DSCAM: variants seen among roughly 807,000 people sequenced by gnomAD.
DSCAM encodes the protein cell adhesion molecule DSCAM.
In DSCAM, 47 loss-of-function variants were observed where a neutral mutation model predicts 217.7. That is an observed-to-expected ratio of 0.22 (90% confidence interval 0.17 to 0.28). The LOEUF (loss-of-function observed/expected upper bound fraction) is 0.28. Ranked by LOEUF, DSCAM falls within the 10% of genes least tolerant of loss-of-function variation. The pLI, the probability that DSCAM is intolerant of heterozygous loss-of-function variation, is 1.00. For synonymous variants in DSCAM, 1,056 were observed against 1,015.3 expected (o/e 1.04, Z -0.76); for missense variants, 2,080 against 2,618.3 (o/e 0.79, Z 4.49).
intron 11 of DSCAM, among the ~76,000 whole-genome samples, chr21:40,268,420 T>TGGAA (rs2073569131): frequency 6.6e-6 from 1 of 151,998 alleles, no homozygotes; most frequent in Non-Finnish European, 1.5e-5. Flanking sequence ...GATGCCAGTG[T>TGGAA]GGAAGGTAAT....
intron 3 of DSCAM, among the ~76,000 whole-genome samples, chr21:40,580,890 G>A (rs181275658): frequency 2.6e-5 from 4 of 152,268 alleles, no homozygotes; most frequent in Admixed American, 2.6e-4. Context: ...AGGTTTAAAT[G>A]CATTTCTTTT....
chr21:40,467,930 C>CAA (rs56379350), intron 3 of DSCAM, among the ~76,000 whole-genome samples: 9,252 of 84,208 alleles, frequency 0.11, 479 homozygotes, highest in Middle Eastern at 0.18. Context: ...AAAGATTAAC[C>CAA]AAAAAAAAAA....
chr21:40,054,874 A>C (rs1385593940), intron 29 of DSCAM, among the ~76,000 whole-genome samples: 1 of 152,222 alleles, frequency 6.6e-6, no homozygotes, highest in African/African-American at 2.4e-5. Context: ...TTGGTTACAA[A>C]AGCAAGACTT....
At chr21:40,158,720 A>G (rs1260518808) in intron 16 of DSCAM, among the ~76,000 whole-genome samples, 2 of 152,324 alleles carry the variant, frequency 1.3e-5, no homozygotes. Flanking sequence ...CCTGTTTCCA[A>G]CTTCAAATTG....
chr21:40,708,630 G>A lies in DSCAM; in HGVS notation c.185C>T (p.Thr62Met), dbSNP rs577827734. ...GGGGACATCGTAGATCTCCTCGCCC[G>A]TGGCTAGGTACCATCTGAGAGTCAC... ...PPVTLRWYLA[T>M]GEEIYDVPGI... The change falls in exon 2 of 33, where the codon ACG becomes ATG. Residue 62 changes from threonine to methionine, a missense_variant. Coordinates refer to ENST00000400454, the MANE Select transcript of DSCAM (RefSeq NM_001389.5). 8 of 1,613,084 alleles carry A rather than the reference G, an allele frequency of 5.0e-6. No individual in the cohort carries two copies. Among genetic ancestry groups the A allele is most frequent in the Admixed American group, 1.7e-5 (1 of 59,858 alleles).
intron 3 of DSCAM, among the ~76,000 whole-genome samples, chr21:40,399,951 T>TTTTAA (rs2075218795): frequency 6.6e-6 from 1 of 152,180 alleles, no homozygotes; most frequent in South Asian, 2.1e-4. Context: ...CCAGGGAACA[T>TTTTAA]ATTTCTAAAT....
At chr21:40,073,002 G>T (rs1796864228) in intron 27 of DSCAM, among the ~76,000 whole-genome samples, 1 of 152,276 alleles carries the variant, frequency 6.6e-6, no homozygotes, top group East Asian at 1.9e-4. Context: ...TCTGGAGATA[G>T]CCCTTGTACA....
chr21:40,803,074 A>G lies in DSCAM; in HGVS notation c.43+43545T>C, dbSNP rs2091756489. ...TATTCTCTTTGGAAGTACTAAATTT[A>G]GGGTAAGTCAGAGAAGTCAGTTTCT... On this transcript the variant is annotated intron_variant, in intron 1 of 32. Coordinates refer to ENST00000400454, the MANE Select transcript of DSCAM (RefSeq NM_001389.5). Among the ~76,000 whole-genome samples the G allele has an allele frequency of 1.3e-5, 2 of 152,232 alleles. 1 individual carries two copies. The highest frequency in any genetic ancestry group is 4.1e-4 in the South Asian group (2 of 4,832).
chr21:40,233,751 C>A (rs370348901), intron 11 of DSCAM, among the ~76,000 whole-genome samples: 2 of 152,136 alleles, frequency 1.3e-5, no homozygotes, highest in South Asian at 2.1e-4. Flanking sequence ...TTTGACAGAA[C>A]GGTATCTACT....
chr21:40,833,991 C>T (rs1393253093), intron 1 of DSCAM, among the ~76,000 whole-genome samples: 1 of 152,170 alleles, frequency 6.6e-6, no homozygotes, highest in Non-Finnish European at 1.5e-5. Flanking sequence ...TGTCTCCAGA[C>T]ATTGCTCACT....
intron 3 of DSCAM, among the ~76,000 whole-genome samples, chr21:40,637,632 A>AATATATATCTATATATATATAAAT (rs1555875013): frequency 4.7e-5 from 2 of 42,230 alleles, no homozygotes; most frequent in Non-Finnish European, 8.4e-5. Context: ...TACATATATA[A>AATATATATCTATATATATATAAAT]ATATATATAA....
chr21:40,374,779 T>G (rs1326591867), intron 3 of DSCAM, among the ~76,000 whole-genome samples: 3 of 152,230 alleles, frequency 2.0e-5, no homozygotes, highest in Non-Finnish European at 2.9e-5. Context: ...CCCTGTGGGA[T>G]CGCAGTGAGA....
intron 3 of DSCAM, among the ~76,000 whole-genome samples, chr21:40,380,672 A>G (rs1273839773): frequency 6.6e-6 from 1 of 152,218 alleles, no homozygotes; most frequent in Admixed American, 6.5e-5. Context: ...GGGATTATTC[A>G]TGGATAAGTA....
chr21:40,696,191 C>A (rs1386785927), intron 2 of DSCAM, among the ~76,000 whole-genome samples: 2 of 152,066 alleles, frequency 1.3e-5, no homozygotes, highest in African/African-American at 4.8e-5. Context: ...CCCCAGAGAG[C>A]CCAGATCTTC....
At chr21:40,445,197 G>A (rs1036784188) in intron 3 of DSCAM, among the ~76,000 whole-genome samples, 2 of 152,030 alleles carry the variant, frequency 1.3e-5, no homozygotes, top group Non-Finnish European at 2.9e-5. Flanking sequence ...TTCCCAAAAG[G>A]CTCTACCTCT....
At chr21:40,051,000 C>G (rs943217812) in intron 30 of DSCAM, among the ~76,000 whole-genome samples, 1 of 152,172 alleles carries the variant, frequency 6.6e-6, no homozygotes, top group East Asian at 1.9e-4. Context: ...CTGTATATTA[C>G]AATGTTATTT....
At chr21:40,623,917 T>G (rs533657420) in intron 3 of DSCAM, among the ~76,000 whole-genome samples, 43 of 152,218 alleles carry the variant, frequency 2.8e-4, no homozygotes, top group Non-Finnish European at 5.7e-4. Context: ...ATTGATTTTA[T>G]AGCCCAAGGG....
chr21:40,573,118 A>T (rs1169267109), intron 3 of DSCAM, among the ~76,000 whole-genome samples: 1 of 152,190 alleles, frequency 6.6e-6, no homozygotes, highest in African/African-American at 2.4e-5. Flanking sequence ...CGGGCAGATC[A>T]TGAGGTCAGG....
intron 11 of DSCAM, among the ~76,000 whole-genome samples, chr21:40,227,874 A>T (rs76905814): frequency 0.016 from 2,395 of 152,212 alleles, 99 homozygotes; most frequent in East Asian, 0.15. Context: ...TGTTCAGATG[A>T]CCCTACCTGC....
Sources: allele counts gnomAD v4.1 joint callset (sites outside exome capture counted in the v4.1 genomes callset), GRCh38; gene constraint gnomAD v4.1.1; transcripts MANE v1.5; gene names NCBI Gene and HGNC (gene_info 2026-07-23, HGNC 2026-07-21).